The following RHBDL2 variants were observed in gnomAD, a reference collection of about 807,000 sequenced individuals.
RHBDL2 encodes the protein rhomboid like 2, also known as rhomboid-related protein 2.
RHBDL2 carries 26 observed loss-of-function variants against 31.7 expected under a neutral mutation model. The observed-to-expected ratio is 0.82, with a 90% confidence interval of 0.60 to 1.14. The LOEUF (loss-of-function observed/expected upper bound fraction) is 1.14, where lower values mean the gene tolerates loss of function less well. RHBDL2 is among the 50% of genes most tolerant of loss of function. The probability of loss-of-function intolerance (pLI) is 0.00; values close to 1 mark genes in which losing one functional copy is unlikely to be tolerated. For missense variants in RHBDL2, 336 were observed against 364.4 expected (o/e 0.92, Z 0.63); for synonymous variants, 123 against 127.2 (o/e 0.97, Z 0.22).
chr1:38,913,934 T>C (rs1297935160), intron 3 of RHBDL2, among the ~76,000 whole-genome samples: 1 of 152,022 alleles, frequency 6.6e-6, no homozygotes, highest in East Asian at 1.9e-4. Context: ...CTGGCCAACA[T>C]GGTGAAACCC....
intron 5 of RHBDL2, 27 bp downstream of exon 5, chr1:38,895,942 C>T (rs374046214): frequency 1.4e-6 from 2 of 1,445,650 alleles, no homozygotes; most frequent in East Asian, 2.3e-5. Context: ...TTAAGAGACT[C>T]GTGGACTCCA....
At chr1:38,929,620 C>G in intron 1 of RHBDL2, 2 of 1,254,540 alleles carry the variant, frequency 1.6e-6, no homozygotes. Flanking sequence ...CTTGATGTGG[C>G]TGGGGAGCTC....
intron 1 of RHBDL2, among the ~76,000 whole-genome samples, chr1:38,933,879 C>T (rs1188381945): frequency 6.6e-6 from 1 of 152,098 alleles, no homozygotes; most frequent in Non-Finnish European, 1.5e-5. Context: ...CAAGTGCCCA[C>T]CACTATGCCC....
At chr1:38,934,957 C>CAAA (rs34194396) in intron 1 of RHBDL2, among the ~76,000 whole-genome samples, 178 of 148,524 alleles carry the variant, frequency 1.2e-3, no homozygotes, top group Admixed American at 1.7e-3. Flanking sequence ...GGCTCAGTCG[C>CAAA]AAAAAAAAAA....
chr1:38,917,078 C>A (rs1337310206), intron 2 of RHBDL2, among the ~76,000 whole-genome samples: 1 of 132,164 alleles, frequency 7.6e-6, no homozygotes, highest in Non-Finnish European at 1.6e-5. Context: ...AGTGCAGTGG[C>A]GTGATCTCAG....
At chr1:38,911,861 C>T (rs192237213) in intron 3 of RHBDL2, among the ~76,000 whole-genome samples, 1 of 151,928 alleles carries the variant, frequency 6.6e-6, no homozygotes, top group African/African-American at 2.4e-5. Flanking sequence ...GGCTGGAGTG[C>T]AATGGCATGA....
At chr1:38,901,743 A>G (rs6600451) in intron 4 of RHBDL2, among the ~76,000 whole-genome samples, 144,191 of 151,440 alleles carry the variant, frequency 0.95, 68,953 homozygotes, top group African/African-American at 0.99. Context: ...GGCTGAGGCA[A>G]GAGAATTGCT....
intron 3 of RHBDL2, among the ~76,000 whole-genome samples, chr1:38,912,910 A>ATGTGTGTGTG (rs869081947): frequency 2.2e-4 from 9 of 41,366 alleles, no homozygotes; most frequent in African/African-American, 8.3e-4. Flanking sequence ...ATATATATAT[A>ATGTGTGTGTG]TGTGTGTGTG....
chr1:38,918,378 G>A (rs1643266176), intron 2 of RHBDL2, among the ~76,000 whole-genome samples: 2 of 152,074 alleles, frequency 1.3e-5, no homozygotes, highest in East Asian at 3.8e-4. Context: ...GTGCCACGAG[G>A]TACAGGGGAG....
chr1:38,889,698 C>T (rs558466513), intron 6 of RHBDL2, among the ~76,000 whole-genome samples: 1 of 152,306 alleles, frequency 6.6e-6, no homozygotes, highest in South Asian at 2.1e-4. Context: ...GTCGGATCTG[C>T]ACTGCAAAAG....
chr1:38,926,047 G>A, intron 1 of RHBDL2: 1 of 1,253,346 alleles, frequency 8.0e-7, no homozygotes. Context: ...TTTTCTTGGG[G>A]AATTTATCTT....
intron 4 of RHBDL2, among the ~76,000 whole-genome samples, chr1:38,904,550 C>T (rs1002850223): frequency 6.6e-6 from 1 of 151,610 alleles, no homozygotes; most frequent in Non-Finnish European, 1.5e-5. Flanking sequence ...TATAAAAGGC[C>T]AGGCATCATG....
At position 38,936,523 on chromosome 1, in the gene RHBDL2, G is replaced by T. The variant is rs199657665; in HGVS notation, c.-126+5159C>A. Reference sequence around the variant, plus strand: ...TGGGTTTTTTTTTTTTTTTCAAGATGGAGTTTTGCTCTTGTCACCCAGTTG... The same window carrying T: ...TGGGTTTTTTTTTTTTTTTCAAGATTGAGTTTTGCTCTTGTCACCCAGTTG... On this transcript the variant is annotated intron_variant, in intron 1 of 7. Transcript: ENST00000372990. Among the ~76,000 whole-genome samples the T allele has an allele frequency of 1.3e-3, 171 of 130,906 alleles. 3 individuals are homozygous for T. The highest frequency in any genetic ancestry group is 4.6e-3 in the African/African-American group (149 of 32,124). 85.9% of individuals were successfully genotyped at this position (130,906 alleles called of 152,430 possible). A position where few individuals can be genotyped will look rare whatever the true frequency, so the allele number is the denominator to read the frequency against.
At chr1:38,911,572 C>T (rs1643141952) in intron 3 of RHBDL2, 138 bp from the exon 4 acceptor site, 1 of 635,718 alleles carries the variant, frequency 1.6e-6, no homozygotes, top group Admixed American at 2.8e-5. Context: ...TTTTTCTTCG[C>T]AGACAACTCT....
intron 1 of RHBDL2, chr1:38,925,940 A>G: frequency 7.9e-7 from 1 of 1,268,044 alleles, no homozygotes; most frequent in Non-Finnish European, 1.0e-6. Context: ...CTTTGGGAGT[A>G]ACTAATAAAT....
intron 1 of RHBDL2, among the ~76,000 whole-genome samples, chr1:38,936,617 A>T (rs913079503): frequency 1.3e-5 from 2 of 151,420 alleles, no homozygotes; most frequent in African/African-American, 4.9e-5. Context: ...CTCCTGCCTC[A>T]GCCTCCCGAA....
rs901352824 is a variant in RHBDL2, at chr1:38,924,467, G to A, written c.-125-5130C>T. Among the ~76,000 whole-genome samples, 2 of 152,066 alleles carry A rather than the reference G, an allele frequency of 1.3e-5. 1 individual carries two copies. Among genetic ancestry groups the A allele is most frequent in the Middle Eastern group, 6.8e-3 (2 of 294 alleles). On this transcript the variant is annotated intron_variant, in intron 1 of 7. Coordinates refer to ENST00000372990, the MANE Select transcript of RHBDL2 (RefSeq NM_017821.5). Reference sequence around the variant, plus strand: ...AAATTAGCCAGGCGTGGTGGCGGGCGCCTGTAGTCCCAGCTACTCGGGAGG... The same window carrying A: ...AAATTAGCCAGGCGTGGTGGCGGGCACCTGTAGTCCCAGCTACTCGGGAGG...
chr1:38,887,275 G>A (rs574554257), intron 7 of RHBDL2, among the ~76,000 whole-genome samples: 3 of 152,190 alleles, frequency 2.0e-5, no homozygotes, highest in East Asian at 3.9e-4. Context: ...GAGTGCAGTC[G>A]CATGATCACA....
intron 2 of RHBDL2, among the ~76,000 whole-genome samples, chr1:38,918,059 C>T (rs1643261944): frequency 6.6e-6 from 1 of 152,144 alleles, no homozygotes; most frequent in African/African-American, 2.4e-5. Flanking sequence ...GCAAGTCTTC[C>T]CTGGGCCTCC....
Sources: allele counts gnomAD v4.1 joint callset (sites outside exome capture counted in the v4.1 genomes callset), GRCh38; gene constraint gnomAD v4.1.1; transcripts MANE v1.5; gene names NCBI Gene and HGNC (gene_info 2026-07-23, HGNC 2026-07-21).